GABRA1: variants seen among roughly 807,000 people sequenced by gnomAD.
The protein encoded by GABRA1 is gamma-aminobutyric acid type A receptor subunit alpha1, also known as gamma-aminobutyric acid receptor subunit alpha-1.
A neutral mutation model predicts 48.9 loss-of-function variants in GABRA1; 9 were observed. That is an observed-to-expected ratio of 0.18 (90% CI 0.11 to 0.32). GABRA1 has a LOEUF of 0.32. GABRA1 is among the 10% of genes least tolerant of loss of function. The probability of loss-of-function intolerance (pLI) is 1.00; values close to 1 mark genes in which losing one functional copy is unlikely to be tolerated. For missense variants in GABRA1, 285 were observed against 553.8 expected, an observed-to-expected ratio of 0.51 and a Z score of 4.87; for synonymous variants, 210 against 198.7, an observed-to-expected ratio of 1.06 and a Z score of -0.48.
At chr5:161,885,351 T>C (rs965151699) in intron 7 of GABRA1, among the ~76,000 whole-genome samples, 3 of 152,080 alleles carry the variant, frequency 2.0e-5, no homozygotes, top group Non-Finnish European at 2.9e-5. Flanking sequence ...ATAAATGACC[T>C]TGAGTACCAT....
intron 4 of GABRA1, among the ~76,000 whole-genome samples, chr5:161,869,388 T>C (rs1308658126): frequency 1.3e-5 from 2 of 152,158 alleles, no homozygotes; most frequent in Non-Finnish European, 1.5e-5. Context: ...TAGCTAAGTG[T>C]AGCAACTTGA....
intron 7 of GABRA1, among the ~76,000 whole-genome samples, chr5:161,886,976 A>T (rs1418738115): frequency 6.6e-6 from 1 of 152,078 alleles, no homozygotes; most frequent in Non-Finnish European, 1.5e-5. Context: ...CAGTGACTTA[A>T]GGCCATGAAA....
At chr5:161,870,041 T>G (rs1754038068) in intron 4 of GABRA1, among the ~76,000 whole-genome samples, 1 of 152,208 alleles carries the variant, frequency 6.6e-6, no homozygotes, top group Admixed American at 6.5e-5. Flanking sequence ...TAACTTTTAC[T>G]AACAGCTTCC....
At chr5:161,857,793 T>G (rs1347546295) in intron 3 of GABRA1, among the ~76,000 whole-genome samples, 2 of 151,532 alleles carry the variant, frequency 1.3e-5, no homozygotes, top group Non-Finnish European at 3.0e-5. Flanking sequence ...AAATTATCAG[T>G]AATTACTGGA....
At chr5:161,877,176 C>A (rs1175573831) in intron 6 of GABRA1, among the ~76,000 whole-genome samples, 1 of 152,144 alleles carries the variant, frequency 6.6e-6, no homozygotes, top group Non-Finnish European at 1.5e-5. Context: ...CACTCCTGGT[C>A]TCAAGTAAAC....
At chr5:161,885,452 C>T (rs766866371) in intron 7 of GABRA1, among the ~76,000 whole-genome samples, 3 of 152,152 alleles carry the variant, frequency 2.0e-5, no homozygotes, top group Non-Finnish European at 2.9e-5. Flanking sequence ...TCTTCTTCTA[C>T]TTTAAAATTC....
chr5:161,882,197 A>T (rs2113413120), intron 6 of GABRA1: 1 of 336,726 alleles, frequency 3.0e-6, no homozygotes, highest in East Asian at 7.6e-5. Flanking sequence ...TGACTCTATC[A>T]CACTTATCTC....
intron 6 of GABRA1, chr5:161,882,171 T>C: frequency 3.5e-6 from 1 of 288,174 alleles, no homozygotes; most frequent in Non-Finnish European, 6.7e-6. Context: ...TCTCTATCCT[T>C]TTACTCGGTT....
At chr5:161,865,674 A>G in intron 3 of GABRA1, 47 bp from the exon 4 acceptor site, 1 of 1,459,790 alleles carries the variant, frequency 6.9e-7, no homozygotes, top group Non-Finnish European at 9.6e-7. Context: ...GAGATCTAAT[A>G]AGGACGGTTG....
intron 2 of GABRA1, among the ~76,000 whole-genome samples, chr5:161,851,771 T>C (rs946822988): frequency 6.6e-6 from 1 of 152,170 alleles, no homozygotes; most frequent in African/African-American, 2.4e-5. Flanking sequence ...GTTGTTGTTT[T>C]TTGCTATTGT....
chr5:161,856,572 A>G (rs1013511782), intron 3 of GABRA1, among the ~76,000 whole-genome samples: 3 of 151,240 alleles, frequency 2.0e-5, no homozygotes, highest in Admixed American at 6.6e-5. Flanking sequence ...TAGCTCAAAT[A>G]TTTTCTCTAT....
At position 161,898,048 on chromosome 5, in the gene GABRA1, A is replaced by G. The variant is rs960383781; in HGVS notation, c.*626A>G. ...TAAAATGCTATTTTAAAATTCATGGAACTTTCATACGTAAAGGTGCAGTTG... is the reference window on the plus strand; with the variant it reads ...TAAAATGCTATTTTAAAATTCATGGGACTTTCATACGTAAAGGTGCAGTTG... On this transcript the variant is annotated 3_prime_UTR_variant, in exon 10 of 10. Coordinates refer to ENST00000393943, the MANE Select transcript of GABRA1 (RefSeq NM_001127644.2). 1.3e-5 allele frequency: 2 copies of G among 152,164 alleles called. No homozygotes were observed. Among genetic ancestry groups the G allele is most frequent in the African/African-American group, 4.8e-5 (2 of 41,514 alleles). 9.4% of individuals were successfully genotyped at this position (152,164 alleles called of 1,614,324 possible).
intron 8 of GABRA1, among the ~76,000 whole-genome samples, chr5:161,892,396 T>A (rs529701733): frequency 2.2e-4 from 33 of 152,350 alleles, no homozygotes; most frequent in Admixed American, 1.1e-3. Flanking sequence ...AGCAAGACTC[T>A]GCTACAAGTA....
At position 161,865,738 on chromosome 5, in the gene GABRA1, A is replaced by G; in HGVS notation, c.205A>G (p.Lys69Glu). 1 of 1,613,016 alleles carries G rather than the reference A, an allele frequency of 6.2e-7. No individual in the cohort carries two copies. The highest frequency in any genetic ancestry group is 8.5e-7 in the Non-Finnish European group (1 of 1,179,172). The change falls in exon 4 of 10, where the codon AAG (lysine) becomes GAG (glutamate). Residue 69 changes from lysine (K) to glutamate (E), a missense_variant. Lys to Glu is a moderately conservative substitution (Grantham distance 56, BLOSUM62 1). Around this residue, in one of 6 missense-constraint regions of GABRA1, gnomAD observed 105 missense variants for 267.4 expected, o/e 0.39. Transcript: ENST00000393943. ...PGLGERVTEVKTDIFVTSFGP... is the reference protein window; with the variant it reads ...PGLGERVTEVETDIFVTSFGP... ...TTCAACAGAGCGTGTAACCGAAGTGAAGACTGATATCTTCGTCACCAGTTT... is the reference window on the plus strand; with the variant it reads ...TTCAACAGAGCGTGTAACCGAAGTGGAGACTGATATCTTCGTCACCAGTTT...
At chr5:161,858,796 T>C (rs1456326880) in intron 3 of GABRA1, among the ~76,000 whole-genome samples, 3 of 151,798 alleles carry the variant, frequency 2.0e-5, no homozygotes, top group Admixed American at 6.6e-5. Context: ...TCCCTGTTAA[T>C]GGTAGTTCCT....
rs1244431606 is a variant in GABRA1, at chr5:161,848,757, A to T, written c.-16+335A>T. ...TGTATTCCGCAGGGTGGGTGGTGGCATGTTGTTTTGGTCTTTTATTTATTT... is the reference window on the plus strand; with the variant it reads ...TGTATTCCGCAGGGTGGGTGGTGGCTTGTTGTTTTGGTCTTTTATTTATTT... On this transcript the variant is annotated intron_variant, in intron 1 of 9. Transcript: ENST00000393943. The T allele has an allele frequency of 1.4e-5, 4 of 285,358 alleles. No individual in the cohort carries two copies. The Admixed American group carries it at 1.9e-4, about 14-fold the overall frequency. The allele number at this position is 285,358 out of a possible 1,614,324, so 17.7% of individuals were successfully genotyped here.
At chr5:161,863,652 A>G (rs1225459781) in intron 3 of GABRA1, among the ~76,000 whole-genome samples, 1 of 152,048 alleles carries the variant, frequency 6.6e-6, no homozygotes, top group Non-Finnish European at 1.5e-5. Flanking sequence ...ACAAATATCC[A>G]AACCATATGA....
intron 6 of GABRA1, among the ~76,000 whole-genome samples, chr5:161,878,488 A>G (rs934612583): frequency 2.0e-5 from 3 of 152,224 alleles, no homozygotes; most frequent in Non-Finnish European, 2.9e-5. Context: ...AAGAATAGAC[A>G]AGAGGAGTTT....
In GABRA1 at chr5:161,882,536, A is replaced by G. The variant is rs372322035; in HGVS notation, c.560-22A>G. The G allele has an allele frequency of 1.1e-5, 17 of 1,609,974 alleles. No homozygotes were observed. The African/African-American group carries it at 1.3e-4, about 13-fold the overall frequency. The stretch of plus-strand genomic sequence containing the variant: ...ATTGAAGTGGTAAAATATATGGATC[A>G]TTTTCTACTGTTTCCTTTTAGATGC... On this transcript the variant is annotated intron_variant, in intron 6 of 9. Coordinates refer to ENST00000393943, the MANE Select transcript of GABRA1 (RefSeq NM_001127644.2).
Sources: gnomAD v4.1 joint callset for allele counts (sites outside exome capture counted in the v4.1 genomes callset) on GRCh38, gnomAD v4.1.1 for gene constraint, gnomAD v4.1.1 regional missense constraint, MANE v1.5 for transcripts, NCBI Gene and HGNC (gene_info 2026-07-23, HGNC 2026-07-21) for gene names.